MYLK4: variants seen among roughly 807,000 people sequenced by gnomAD.
MYLK4 encodes the protein myosin light chain kinase family member 4.
MYLK4 carries 46 observed loss-of-function variants against 48.1 expected under a neutral mutation model. The ratio of observed to expected loss-of-function variants is 0.96; its 90% CI spans 0.75 to 1.22. The LOEUF (loss-of-function observed/expected upper bound fraction) is 1.22. Among genes scored for constraint, MYLK4 ranks in the 50% most tolerant of loss-of-function variants. The pLI is 0.00. For synonymous variants in MYLK4, 170 were observed against 180.8 expected, an observed-to-expected ratio of 0.94 and a Z score of 0.48; for missense variants, 451 against 486.1, an observed-to-expected ratio of 0.93 and a Z score of 0.68.
intron 1 of MYLK4, among the ~76,000 whole-genome samples, chr6:2,750,198 G>A (rs1018926714): frequency 6.6e-6 from 1 of 152,146 alleles, no homozygotes; most frequent in Non-Finnish European, 1.5e-5. Context: ...TTTCCGAAAA[G>A]CGCCTCTTCG....
In MYLK4 at chr6:2,678,379, G is replaced by A. The variant is rs1371661966; in HGVS notation, c.888-7C>T. On this transcript the variant is annotated splice_polypyrimidine_tract_variant and splice_region_variant and intron_variant, in intron 9 of 12. Coordinates refer to ENST00000274643, the MANE Select transcript of MYLK4 (RefSeq NM_001012418.5). ...AGGCGACAAACCGCTAAGTCTGGAGGACACGGGGTCCAGAGTGAGTATTTT... is the reference window on the plus strand; with the variant it reads ...AGGCGACAAACCGCTAAGTCTGGAGAACACGGGGTCCAGAGTGAGTATTTT... 3.1e-6 allele frequency: 5 copies of A among 1,613,578 alleles called. No homozygotes were observed. In the East Asian group the frequency reaches 6.7e-5, roughly 22 times the overall value.
chr6:2,732,022 A>C (rs1453577941), intron 2 of MYLK4, among the ~76,000 whole-genome samples: 1 of 152,234 alleles, frequency 6.6e-6, no homozygotes, highest in Non-Finnish European at 1.5e-5. Context: ...GAGGAAGCCT[A>C]AACAGACCTG....
At chr6:2,694,086 G>A (rs1462705024) in intron 2 of MYLK4, among the ~76,000 whole-genome samples, 3 of 152,140 alleles carry the variant, frequency 2.0e-5, no homozygotes, top group African/African-American at 4.8e-5. Flanking sequence ...CAATGCAGGG[G>A]GCAGCTCCAT....
the MYLK4 span, among the ~76,000 whole-genome samples, chr6:2,765,065 C>T: frequency 6.6e-6 from 1 of 152,120 alleles, no homozygotes; most frequent in African/African-American, 2.4e-5. Context: ...GCTCGCCGCT[C>T]CAACAACCTC....
intron 11 of MYLK4, among the ~76,000 whole-genome samples, chr6:2,674,491 T>C (rs12527237): frequency 0.16 from 23,960 of 152,278 alleles, 2,387 homozygotes; most frequent in East Asian, 0.44. Flanking sequence ...CATTTTATAA[T>C]GGATACAATA....
At chr6:2,728,062 C>T (rs1763345381) in intron 2 of MYLK4, among the ~76,000 whole-genome samples, 1 of 152,052 alleles carries the variant, frequency 6.6e-6, no homozygotes, top group South Asian at 2.1e-4. Flanking sequence ...CCCCATTCTA[C>T]ACACAATTAA....
At chr6:2,763,289 C>G in the MYLK4 span, among the ~76,000 whole-genome samples, 22 of 152,382 alleles carry the variant, frequency 1.4e-4, no homozygotes, top group African/African-American at 4.8e-4. Flanking sequence ...AATTTCTGAA[C>G]TGGGGCTGCA....
intron 10 of MYLK4, among the ~76,000 whole-genome samples, chr6:2,676,523 T>G (rs960605234): frequency 6.6e-6 from 1 of 152,244 alleles, no homozygotes; most frequent in Non-Finnish European, 1.5e-5. Context: ...AATAACATTG[T>G]ACTAATAATT....
chr6:2,763,436 G>A, the MYLK4 span, among the ~76,000 whole-genome samples: 1 of 152,234 alleles, frequency 6.6e-6, no homozygotes, highest in Admixed American at 6.5e-5. Context: ...CCCAGTTGGG[G>A]GGAGGCTCAG....
At chr6:2,688,788 T>C (rs1281989290) in intron 4 of MYLK4, 63 bp downstream of exon 4, 2 of 1,295,452 alleles carry the variant, frequency 1.5e-6, no homozygotes, top group Admixed American at 1.7e-5. Flanking sequence ...GGCAGACATT[T>C]ACGAAGTCAT....
chr6:2,737,878 T>C (rs1348646983), intron 2 of MYLK4, among the ~76,000 whole-genome samples: 1 of 144,080 alleles, frequency 6.9e-6, no homozygotes, highest in Non-Finnish European at 1.5e-5. Context: ...GTAGTAAGAG[T>C]GTATTGTTTT....
At chr6:2,713,356 A>G (rs1364717193) in intron 2 of MYLK4, among the ~76,000 whole-genome samples, 1 of 149,056 alleles carries the variant, frequency 6.7e-6, no homozygotes, top group Non-Finnish European at 1.5e-5. Flanking sequence ...CCTGGGCAAC[A>G]AGAGTGAAAC....
intron 2 of MYLK4, among the ~76,000 whole-genome samples, chr6:2,721,575 A>G (rs1468211529): frequency 1.3e-5 from 2 of 152,044 alleles, no homozygotes; most frequent in African/African-American, 4.8e-5. Context: ...AGAGGCATGC[A>G]TCGCAAGCTC....
chr6:2,710,228 G>A (rs1051317780), intron 2 of MYLK4, among the ~76,000 whole-genome samples: 1 of 152,166 alleles, frequency 6.6e-6, no homozygotes, highest in Admixed American at 6.5e-5. Flanking sequence ...AATAAACATA[G>A]AAATTGATCC....
At chr6:2,765,495 C>G in the MYLK4 span, 2 of 1,196,408 alleles carry the variant, frequency 1.7e-6, no homozygotes, top group Non-Finnish European at 2.1e-6. Context: ...TCCTCCGGCC[C>G]GCGAGCGTCC....
At chr6:2,686,083 GAAGA>G (rs148638836) in intron 4 of MYLK4, among the ~76,000 whole-genome samples, 25,250 of 130,068 alleles carry the variant, frequency 0.19, 2,899 homozygotes, top group African/African-American at 0.32. Context: ...AAAAAAAAAA[GAAGA>G]AAGAAAGAAA....
chr6:2,758,967 A>C, the MYLK4 span, among the ~76,000 whole-genome samples: 119,371 of 152,138 alleles, frequency 0.78, 47,798 homozygotes, highest in East Asian at 0.92. Flanking sequence ...ATGTATACAC[A>C]AGTTTACACT....
the MYLK4 span, among the ~76,000 whole-genome samples, chr6:2,761,404 T>C: frequency 1.3e-5 from 2 of 152,208 alleles, no homozygotes; most frequent in Non-Finnish European, 2.9e-5. Flanking sequence ...TTAAATTTGA[T>C]TGGCAAAGCA....
chr6:2,764,856 G>C, the MYLK4 span, among the ~76,000 whole-genome samples: 20 of 152,194 alleles, frequency 1.3e-4, no homozygotes, highest in Non-Finnish European at 4.4e-5. Context: ...GACCACTACT[G>C]AGGTGAGCAT....
Sources: gnomAD v4.1 joint callset for allele counts (sites outside exome capture counted in the v4.1 genomes callset) on GRCh38, gnomAD v4.1.1 for gene constraint, MANE v1.5 for transcripts, NCBI Gene and HGNC (gene_info 2026-07-23, HGNC 2026-07-21) for gene names.